The following FHIT variants were observed in gnomAD, a reference collection of about 807,000 sequenced individuals.
FHIT encodes fragile histidine triad diadenosine triphosphatase.
In FHIT, 19 loss-of-function variants were observed where a neutral mutation model predicts 17.9. That is an observed-to-expected ratio of 1.06 (90% CI 0.74 to 1.56). FHIT has a LOEUF of 1.56. FHIT is among the 40% of genes most tolerant of loss of function. The pLI, the probability that FHIT is intolerant of heterozygous loss-of-function variation, is 0.00. For synonymous variants in FHIT, 81 were observed against 69.7 expected (o/e 1.16, Z -0.81); for missense variants, 248 against 189.2 (o/e 1.31, Z -1.82).
At chr3:59,780,855 G>A (rs1702553115) in intron 8 of FHIT, among the ~76,000 whole-genome samples, 1 of 152,126 alleles carries the variant, frequency 6.6e-6, no homozygotes, top group Non-Finnish European at 1.5e-5. Flanking sequence ...TCTTATAGCA[G>A]CTTGATCTAA....
chr3:60,882,517 C>G (rs552050999), intron 3 of FHIT, among the ~76,000 whole-genome samples: 2 of 152,244 alleles, frequency 1.3e-5, no homozygotes, highest in Admixed American at 6.5e-5. Context: ...AGAACATTCA[C>G]CATGATCAAG....
intron 5 of FHIT, among the ~76,000 whole-genome samples, chr3:60,512,620 A>G (rs2034993494): frequency 6.6e-6 from 1 of 152,240 alleles, no homozygotes; most frequent in Admixed American, 6.5e-5. Flanking sequence ...GTCATCAACT[A>G]ACCAAATGGT....
intron 5 of FHIT, among the ~76,000 whole-genome samples, chr3:60,452,309 C>T (rs969041499): frequency 5.3e-5 from 8 of 152,128 alleles, no homozygotes; most frequent in African/African-American, 1.9e-4. Flanking sequence ...TATCTCATTT[C>T]AGTATCAGGA....
intron 8 of FHIT, among the ~76,000 whole-genome samples, chr3:59,779,369 T>G (rs1430593690): frequency 6.6e-6 from 1 of 152,158 alleles, no homozygotes; most frequent in Non-Finnish European, 1.5e-5. Flanking sequence ...TTAACGTACA[T>G]AAGCCATTCC....
At chr3:60,285,643 T>G (rs966229457) in intron 5 of FHIT, among the ~76,000 whole-genome samples, 6 of 152,182 alleles carry the variant, frequency 3.9e-5, no homozygotes, top group African/African-American at 1.4e-4. Flanking sequence ...GAAATCATCT[T>G]GGGTGGGCCT....
Position 60,061,933 on chromosome 3 carries a change from A to G in FHIT, c.104-47781T>C, listed in dbSNP as rs1012645501. Among the ~76,000 whole-genome samples the G allele has an allele frequency of 7.2e-5, 11 of 152,292 alleles. No homozygotes were observed. The South Asian group carries it at 2.3e-3, about 32-fold the overall frequency. On this transcript the variant is annotated intron_variant, in intron 5 of 9. Coordinates refer to ENST00000492590, the MANE Select transcript of FHIT (RefSeq NM_002012.4). Reference sequence around the variant, plus strand: ...AAGAAAGAGAAATTGGCAAAACAACATGGAAAAGAGCAAGAAATGAGAAAG... The same window carrying G: ...AAGAAAGAGAAATTGGCAAAACAACGTGGAAAAGAGCAAGAAATGAGAAAG...
rs566530970 is a variant in FHIT at position 60,507,550 on chromosome 3, G to A, written c.103+29310C>T. Among the ~76,000 whole-genome samples, 6 of 152,244 alleles carry A rather than the reference G, an allele frequency of 3.9e-5. No individual in the cohort carries two copies. The South Asian group carries it at 1.2e-3, about 32-fold the overall frequency. ...ACTTGTATTTTAAGCTCAGGGGTAC[G>A]AGGGTAGGTTAGTTACATAGGTAAA... On this transcript the variant is annotated intron_variant, in intron 5 of 9. Transcript: ENST00000492590.
chr3:60,883,617 G>A (rs1705069807), intron 3 of FHIT, among the ~76,000 whole-genome samples: 1 of 152,048 alleles, frequency 6.6e-6, no homozygotes, highest in Non-Finnish European at 1.5e-5. Context: ...GTGTGCAAAG[G>A]ACAGTCTATT....
intron 5 of FHIT, among the ~76,000 whole-genome samples, chr3:60,277,048 G>C (rs1707177569): frequency 6.6e-6 from 1 of 152,044 alleles, no homozygotes; most frequent in South Asian, 2.1e-4. Flanking sequence ...ACAGCAGCTA[G>C]AACTTTCAGT....
chr3:60,201,231 G>C (rs1261756216), intron 5 of FHIT, among the ~76,000 whole-genome samples: 1 of 152,050 alleles, frequency 6.6e-6, no homozygotes, highest in African/African-American at 2.4e-5. Flanking sequence ...CTCACGGTGG[G>C]AAACGTGGCT....
intron 5 of FHIT, among the ~76,000 whole-genome samples, chr3:60,076,124 A>T (rs1323306639): frequency 6.6e-6 from 1 of 152,126 alleles, no homozygotes; most frequent in Non-Finnish European, 1.5e-5. Flanking sequence ...ATCTAATATT[A>T]GGAAAGCCAT....
intron 5 of FHIT, among the ~76,000 whole-genome samples, chr3:60,022,561 G>C (rs1700592036): frequency 6.6e-6 from 1 of 152,162 alleles, no homozygotes; most frequent in South Asian, 2.1e-4. Flanking sequence ...CCGAATTATA[G>C]GTCAGCAGGG....
At chr3:60,856,458 T>C (rs1468780862) in intron 3 of FHIT, 2 of 152,090 alleles carry the variant, frequency 1.3e-5, no homozygotes, top group African/African-American at 4.8e-5. Flanking sequence ...CAATGGCAAA[T>C]GGCAGTTGCA....
intron 2 of FHIT, among the ~76,000 whole-genome samples, chr3:61,125,809 G>C (rs995652739): frequency 5.9e-5 from 9 of 152,140 alleles, no homozygotes; most frequent in Admixed American, 4.6e-4. Flanking sequence ...ATGGGAGGAG[G>C]AGTAATCATT....
chr3:59,983,070 C>G (rs1329935709), intron 7 of FHIT, among the ~76,000 whole-genome samples: 1 of 151,970 alleles, frequency 6.6e-6, no homozygotes, highest in Non-Finnish European at 1.5e-5. Flanking sequence ...TTCCAAGTAG[C>G]TGGGACTAGA....
At chr3:60,525,584 A>C (rs963674009) in intron 5 of FHIT, among the ~76,000 whole-genome samples, 1 of 152,130 alleles carries the variant, frequency 6.6e-6, no homozygotes, top group Non-Finnish European at 1.5e-5. Flanking sequence ...CTGGCTCTTT[A>C]ATAATATCTT....
At chr3:60,609,975 T>C (rs1417510112) in intron 4 of FHIT, among the ~76,000 whole-genome samples, 1 of 152,250 alleles carries the variant, frequency 6.6e-6, no homozygotes, top group Non-Finnish European at 1.5e-5. Flanking sequence ...TAATCTGATC[T>C]GTCTCTAACC....
At chr3:59,866,777 C>G (rs1024797808) in intron 8 of FHIT, among the ~76,000 whole-genome samples, 1 of 152,104 alleles carries the variant, frequency 6.6e-6, no homozygotes, top group Admixed American at 6.5e-5. Flanking sequence ...CTGTAGATAG[C>G]TTCTGGCCAA....
intron 7 of FHIT, among the ~76,000 whole-genome samples, chr3:59,983,339 C>T (rs921120129): frequency 6.6e-6 from 1 of 152,104 alleles, no homozygotes; most frequent in Non-Finnish European, 1.5e-5. Flanking sequence ...TCCTACCTTC[C>T]TATTGGCAGT....
Sources: gnomAD v4.1 joint callset for allele counts (sites outside exome capture counted in the v4.1 genomes callset) on GRCh38, gnomAD v4.1.1 for gene constraint, MANE v1.5 for transcripts, NCBI Gene and HGNC (gene_info 2026-07-23, HGNC 2026-07-21) for gene names.